Variants in DOK6 observed in about 807,000 individuals in gnomAD.
The protein encoded by DOK6 is docking protein 6.
DOK6 carries 22 observed loss-of-function variants against 44.0 expected under a neutral mutation model. That is an observed-to-expected ratio of 0.50 (90% CI 0.36 to 0.71). The LOEUF (loss-of-function observed/expected upper bound fraction) is 0.71, where lower values mean the gene tolerates loss of function less well. Among genes scored for constraint, DOK6 ranks in the 30% least tolerant of loss-of-function variants. The probability of loss-of-function intolerance (pLI) is 0.00; values close to 1 mark genes in which losing one functional copy is unlikely to be tolerated. For synonymous variants in DOK6, 166 were observed against 145.5 expected (o/e 1.14, Z -1.01); for missense variants, 340 against 416.4 (o/e 0.82, Z 1.60).
At chr18:69,610,829 G>C (rs9319789) in intron 3 of DOK6, among the ~76,000 whole-genome samples, 144,942 of 152,248 alleles carry the variant, frequency 0.95, 69,411 homozygotes, top group East Asian at 1. Context: ...ATCACTGCAG[G>C]ATTTTATGTA....
chr18:69,444,706 C>T (rs1198275440), intron 1 of DOK6, among the ~76,000 whole-genome samples: 4 of 148,542 alleles, frequency 2.7e-5, no homozygotes, highest in Non-Finnish European at 5.9e-5. Context: ...TGCAATGGCA[C>T]GATCTCAGCT....
chr18:69,764,676 G>A (rs34504556), intron 7 of DOK6, among the ~76,000 whole-genome samples: 14,326 of 152,172 alleles, frequency 0.094, 715 homozygotes, highest in Middle Eastern at 0.14. Context: ...TCAGTTTCAG[G>A]TGTTTCATAA....
At position 69,779,481 on chromosome 18, in the gene DOK6, C is replaced by T. The variant is rs546226560; in HGVS notation, c.856+21608C>T. ...ACACACACACACACACACACACAAA[C>T]AGTATGTTTCTGGCAAGAAATGTCA... On this transcript the variant is annotated intron_variant, in intron 7 of 7. Coordinates refer to ENST00000382713, the MANE Select transcript of DOK6 (RefSeq NM_152721.6). Among the ~76,000 whole-genome samples the T allele has an allele frequency of 1.2e-3, 185 of 150,728 alleles. 1 individual carries two copies. The South Asian group carries it at 0.019, about 15-fold the overall frequency.
At chr18:69,603,844 G>T (rs76024151) in intron 3 of DOK6, among the ~76,000 whole-genome samples, 4,832 of 148,802 alleles carry the variant, frequency 0.032, 104 homozygotes, top group East Asian at 0.13. Flanking sequence ...CCAAAAAGTT[G>T]ACATTAAAAT....
chr18:69,626,628 C>T (rs796589220), intron 3 of DOK6, among the ~76,000 whole-genome samples: 6 of 152,230 alleles, frequency 3.9e-5, no homozygotes, highest in African/African-American at 1.2e-4. Context: ...CCAAGAAAAT[C>T]GAGGCAGGAA....
At chr18:69,526,756 G>T (rs574878130) in intron 1 of DOK6, among the ~76,000 whole-genome samples, 2 of 152,230 alleles carry the variant, frequency 1.3e-5, no homozygotes, top group East Asian at 3.9e-4. Context: ...CCAGCATATG[G>T]TTGTATTCTG....
At chr18:69,827,678 G>T (rs1056141375) in intron 7 of DOK6, among the ~76,000 whole-genome samples, 4 of 151,956 alleles carry the variant, frequency 2.6e-5, no homozygotes, top group Non-Finnish European at 4.4e-5. Context: ...TACATTATAT[G>T]AATGCCAGAT....
chr18:69,760,669 AG>A, intron 7 of DOK6, among the ~76,000 whole-genome samples: 1 of 151,172 alleles, frequency 6.6e-6, no homozygotes, highest in Non-Finnish European at 1.5e-5. Flanking sequence ...CTTATTGGGA[AG>A]CTGCTGATCA....
intron 5 of DOK6, among the ~76,000 whole-genome samples, chr18:69,735,796 A>G (rs116179023): frequency 7.9e-5 from 12 of 152,312 alleles, no homozygotes; most frequent in African/African-American, 2.2e-4. Context: ...AACAGGCAGA[A>G]TATTCCAAAG....
intron 3 of DOK6, among the ~76,000 whole-genome samples, chr18:69,612,419 G>A (rs1282349166): frequency 6.6e-6 from 1 of 150,722 alleles, no homozygotes; most frequent in Non-Finnish European, 1.5e-5. Flanking sequence ...GGGCGCATGT[G>A]TGCGAGGGCG....
At chr18:69,610,553 C>T (rs1428147496) in intron 3 of DOK6, among the ~76,000 whole-genome samples, 1 of 152,082 alleles carries the variant, frequency 6.6e-6, no homozygotes, top group Non-Finnish European at 1.5e-5. Context: ...GAGAAGATTT[C>T]AATCAAACTT....
chr18:69,431,635 G>C lies in DOK6; in HGVS notation c.66+30325G>C, dbSNP rs539076510. Reference sequence around the variant, plus strand: ...AAGAATGGCAGGGCTGATTTTTACAGTCCCAATTAATTTTTAATTTCTCAC... The same window carrying C: ...AAGAATGGCAGGGCTGATTTTTACACTCCCAATTAATTTTTAATTTCTCAC... On this transcript the variant is annotated intron_variant, in intron 1 of 7. Transcript: ENST00000382713. 5.9e-5 allele frequency among the ~76,000 whole-genome samples: 9 copies of C among 152,186 alleles called. No individual in the cohort carries two copies. In the East Asian group the frequency reaches 1.2e-3, roughly 20 times the overall value.
Position 69,619,587 on chromosome 18 carries a change from A to G in DOK6, c.289+20089A>G, listed in dbSNP as rs183186237. ...TCGTGAGTAAACAAGCACCTTGGGT[A>G]AAAGTTAGAAAACAGACAAATTCGT... On this transcript the variant is annotated intron_variant, in intron 3 of 7. Transcript: ENST00000382713. 4.6e-5 allele frequency among the ~76,000 whole-genome samples: 7 copies of G among 152,364 alleles called. No individual in the cohort carries two copies. In the East Asian group the frequency reaches 1.3e-3, roughly 29 times the overall value.
chr18:69,731,521 G>A lies in DOK6; in HGVS notation c.600-7444G>A, dbSNP rs184784224. Among the ~76,000 whole-genome samples, 415 of 152,116 alleles carry A rather than the reference G, an allele frequency of 2.7e-3. 1 individual carries two copies. The highest frequency in any genetic ancestry group is 4.8e-3 in the Non-Finnish European group (327 of 67,968). ...ATTTTCTATTTGGCTATGATACTTC[G>A]TCTTTTTTCTATGGTCAGTTGAAAT... is the stretch of plus-strand genomic sequence containing the variant. On this transcript the variant is annotated intron_variant, in intron 5 of 7. Transcript: ENST00000382713.
chr18:69,467,980 C>A (rs1479988454), intron 1 of DOK6, among the ~76,000 whole-genome samples: 21 of 152,056 alleles, frequency 1.4e-4, no homozygotes, highest in Admixed American at 1.4e-3. Context: ...AGCACTATGC[C>A]ATGCAATAGG....
Position 69,547,101 on chromosome 18 carries a change from G to C in DOK6, c.67-17386G>C, listed in dbSNP as rs1336392161. ...GGGAACGTACCCTTTTTTGTTGTTT[G>C]TTTGTTTGTTAGTTTTTTGAGACGG... On this transcript the variant is annotated intron_variant, in intron 1 of 7. Coordinates refer to ENST00000382713, the MANE Select transcript of DOK6 (RefSeq NM_152721.6). 1.3e-5 allele frequency among the ~76,000 whole-genome samples: 2 copies of C among 151,238 alleles called. 1 individual carries two copies. Among genetic ancestry groups the C allele is most frequent in the Non-Finnish European group, 3.0e-5 (2 of 67,582 alleles).
chr18:69,770,924 T>C (rs536936330), intron 7 of DOK6, among the ~76,000 whole-genome samples: 1 of 152,162 alleles, frequency 6.6e-6, no homozygotes, highest in Non-Finnish European at 1.5e-5. Context: ...TTATTCCCTG[T>C]TGTTAGTTCA....
At chr18:69,450,936 G>A (rs1203485973) in intron 1 of DOK6, among the ~76,000 whole-genome samples, 1 of 149,314 alleles carries the variant, frequency 6.7e-6, no homozygotes, top group African/African-American at 2.5e-5. Flanking sequence ...GGAACAACCG[G>A]TACCAGCCGC....
At chr18:69,711,053 G>A (rs370229259) in intron 5 of DOK6, among the ~76,000 whole-genome samples, 2 of 152,138 alleles carry the variant, frequency 1.3e-5, no homozygotes, top group East Asian at 1.9e-4. Context: ...AAATATTTTA[G>A]AGTTAATCAA....
Sources: gnomAD v4.1 joint callset for allele counts (sites outside exome capture counted in the v4.1 genomes callset) on GRCh38, gnomAD v4.1.1 for gene constraint, MANE v1.5 for transcripts, NCBI Gene and HGNC (gene_info 2026-07-23, HGNC 2026-07-21) for gene names.